Variants in CFAP58 observed in about 807,000 individuals in gnomAD.
CFAP58 encodes the protein cilia and flagella associated protein 58.
In CFAP58, 88 loss-of-function variants were observed where a neutral mutation model predicts 119.5. The observed-to-expected ratio is 0.74, with a 90% CI of 0.62 to 0.88. CFAP58 has a LOEUF of 0.88. CFAP58 is among the 40% of genes least tolerant of loss of function. CFAP58 has a pLI of 0.00. For missense variants in CFAP58, 990 were observed against 1,021.2 expected, an observed-to-expected ratio of 0.97 and a Z score of 0.42; for synonymous variants, 365 against 366.3, an observed-to-expected ratio of 1.00 and a Z score of 0.04.
the CFAP58 span, among the ~76,000 whole-genome samples, chr10:104,342,089 A>G: frequency 6.6e-6 from 1 of 152,234 alleles, no homozygotes; most frequent in Admixed American, 6.5e-5. Context: ...AGAAGCTTGT[A>G]TATAGGTGGC....
chr10:104,358,544 T>A lies in CFAP58; in HGVS notation c.213T>A (p.Ile71=), dbSNP rs372613226. The A allele has an allele frequency of 6.2e-7, 1 of 1,614,062 alleles. No homozygotes were observed. The highest frequency in any genetic ancestry group is 8.5e-7 in the Non-Finnish European group (1 of 1,179,978). ...AATGCAGAGAGCTAAATGCAGAGAT[T>A]GTAGTGAATTCTGCGAAGGTCGCCA... The part of the protein sequence containing the change: ...MAKCRELNAE[I]VVNSAKVATA... The change falls in exon 2 of 18, where the codon ATT becomes ATA. Residue 71 remains isoleucine, a synonymous_variant. Coordinates refer to ENST00000369704, the MANE Select transcript of CFAP58 (RefSeq NM_001008723.2).
At chr10:104,392,153 G>C (rs1003967530) in intron 9 of CFAP58, 80 bp from the exon 10 acceptor site, 27 of 1,268,486 alleles carry the variant, frequency 2.1e-5, no homozygotes, top group Non-Finnish European at 3.0e-5. Flanking sequence ...GCCACCCTTA[G>C]ATAAAAAACT....
chr10:104,392,639 C>CTTTTT (rs35863751), intron 10 of CFAP58, among the ~76,000 whole-genome samples: 2 of 123,966 alleles, frequency 1.6e-5, no homozygotes, highest in African/African-American at 6.1e-5. Flanking sequence ...CGTCTTTCTA[C>CTTTTT]TTTTTTTTTT....
At chr10:104,410,806 C>T (rs183726350) in intron 15 of CFAP58, among the ~76,000 whole-genome samples, 1 of 152,254 alleles carries the variant, frequency 6.6e-6, no homozygotes, top group African/African-American at 2.4e-5. Flanking sequence ...TCTTTATTCA[C>T]TCCTCCTGGA....
intron 9 of CFAP58, among the ~76,000 whole-genome samples, chr10:104,388,254 AT>A (rs1258344154): frequency 5.3e-4 from 81 of 152,344 alleles, no homozygotes; most frequent in African/African-American, 1.9e-3. Flanking sequence ...AAGTACTAGT[AT>A]TATGTAACGT....
At chr10:104,365,070 G>T (rs182628565) in intron 4 of CFAP58, among the ~76,000 whole-genome samples, 181 bp downstream of exon 4, 1 of 152,062 alleles carries the variant, frequency 6.6e-6, no homozygotes, top group African/African-American at 2.4e-5. Flanking sequence ...TGATTTGAAC[G>T]ACTTGAATTG....
At chr10:104,346,781 G>C in the CFAP58 span, among the ~76,000 whole-genome samples, 2 of 151,490 alleles carry the variant, frequency 1.3e-5, no homozygotes, top group Non-Finnish European at 2.9e-5. Flanking sequence ...GATTACAGGG[G>C]CCCACCACCA....
At chr10:104,450,928 G>A (rs1245860017) in intron 17 of CFAP58, among the ~76,000 whole-genome samples, 1 of 152,034 alleles carries the variant, frequency 6.6e-6, no homozygotes, top group Non-Finnish European at 1.5e-5. Flanking sequence ...GAGGGTTGAT[G>A]TGACCTATTC....
At chr10:104,411,835 A>C (rs1014318384) in intron 15 of CFAP58, among the ~76,000 whole-genome samples, 7 of 151,736 alleles carry the variant, frequency 4.6e-5, no homozygotes, top group African/African-American at 1.7e-4. Flanking sequence ...CCCAGTGGGT[A>C]GATTTCTATT....
At chr10:104,382,554 T>C (rs770745178) in intron 9 of CFAP58, among the ~76,000 whole-genome samples, 6 of 152,142 alleles carry the variant, frequency 3.9e-5, no homozygotes, top group Non-Finnish European at 8.8e-5. Context: ...TATAAAAAAT[T>C]ACATGTTGAT....
intron 17 of CFAP58, among the ~76,000 whole-genome samples, chr10:104,452,023 G>A (rs887643244): frequency 2.4e-4 from 36 of 152,074 alleles, no homozygotes; most frequent in African/African-American, 8.7e-4. Context: ...ACAGGCATGA[G>A]CCACTGTGCC....
intron 15 of CFAP58, among the ~76,000 whole-genome samples, chr10:104,415,469 T>C (rs988747347): frequency 8.5e-5 from 13 of 152,196 alleles, no homozygotes; most frequent in Non-Finnish European, 1.6e-4. Flanking sequence ...CCTGGGGACA[T>C]TGAGCTGCTT....
chr10:104,376,505 A>G (rs1374220683), intron 7 of CFAP58, among the ~76,000 whole-genome samples: 1 of 149,690 alleles, frequency 6.7e-6, no homozygotes, highest in Non-Finnish European at 1.5e-5. Context: ...TCCGTCTCAA[A>G]AAAAAAAAAA....
chr10:104,381,278 A>T (rs952229212), intron 9 of CFAP58, among the ~76,000 whole-genome samples: 1 of 152,206 alleles, frequency 6.6e-6, no homozygotes. Context: ...GCTCGAGGAT[A>T]TATGTCTCCA....
intron 6 of CFAP58, 54 bp from the exon 7 acceptor site, chr10:104,370,841 T>G (rs1185831206): frequency 6.6e-7 from 1 of 1,519,988 alleles, no homozygotes; most frequent in Non-Finnish European, 8.9e-7. Context: ...CATCATCCAG[T>G]TCCTGGCTCT....
rs1013851675 is a variant in CFAP58, at chr10:104,398,318, A to G, written c.1675-1042A>G. 2.6e-5 allele frequency among the ~76,000 whole-genome samples: 4 copies of G among 152,246 alleles called. No individual in the cohort carries two copies. In the South Asian group the frequency reaches 8.3e-4, roughly 31 times the overall value. On this transcript the variant is annotated intron_variant, in intron 11 of 17. Coordinates refer to ENST00000369704, the MANE Select transcript of CFAP58 (RefSeq NM_001008723.2). The stretch of plus-strand genomic sequence containing the variant: ...CTTGGGTGGTGACAATAGAAGGAGC[A>G]CAGGCTTTGGAATCAAAAGATCTGG...
Position 104,370,965 on chromosome 10 carries a change from A to C in CFAP58, c.1001A>C (p.His334Pro). Residue 334 changes from histidine to proline, a missense_variant, in exon 7 of 18, where the codon CAT becomes CCT. Coordinates refer to ENST00000369704, the MANE Select transcript of CFAP58 (RefSeq NM_001008723.2). ...GKLNKIREQI[H>P]KKLHHTEDQK... ...CTCAACAAAATCAGAGAACAAATTC[A>C]TAAGAAATTGCACCACACCGAAGAT... 6.2e-7 allele frequency: 1 copy of C among 1,613,872 alleles called. No homozygotes were observed. The highest frequency in any genetic ancestry group is 8.5e-7 in the Non-Finnish European group (1 of 1,179,960).
chr10:104,405,432 C>T (rs936569164), intron 14 of CFAP58, among the ~76,000 whole-genome samples: 1 of 152,148 alleles, frequency 6.6e-6, no homozygotes, highest in Non-Finnish European at 1.5e-5. Context: ...TTAAAGTTTC[C>T]AATTCCACAT....
chr10:104,374,532 G>A (rs908681401), intron 7 of CFAP58, among the ~76,000 whole-genome samples: 4 of 149,876 alleles, frequency 2.7e-5, no homozygotes. Context: ...GGGCAAATTG[G>A]GCAATTTGAA....
Sources: gnomAD v4.1 joint callset for allele counts (sites outside exome capture counted in the v4.1 genomes callset) on GRCh38, gnomAD v4.1.1 for gene constraint, MANE v1.5 for transcripts, NCBI Gene and HGNC (gene_info 2026-07-23, HGNC 2026-07-21) for gene names.